TMEM232: variants seen among roughly 807,000 people sequenced by gnomAD.
TMEM232 encodes transmembrane protein 232.
TMEM232 carries 80 observed loss-of-function variants against 78.8 expected under a neutral mutation model. The ratio of observed to expected loss-of-function variants is 1.01; its 90% confidence interval spans 0.85 to 1.22. The LOEUF is 1.22. Among genes scored for constraint, TMEM232 ranks in the 50% most tolerant of loss-of-function variants. The pLI, the probability that TMEM232 is intolerant of heterozygous loss-of-function variation, is 0.00. For missense variants in TMEM232, 881 were observed against 742.2 expected (o/e 1.19, Z -2.17); for synonymous variants, 297 against 254.3 (o/e 1.17, Z -1.60).
At chr5:110,467,983 T>C (rs1335066825) in intron 12 of TMEM232, among the ~76,000 whole-genome samples, 1 of 152,044 alleles carries the variant, frequency 6.6e-6, no homozygotes, top group Non-Finnish European at 1.5e-5. Flanking sequence ...GTGTGCATAT[T>C]TGTGGCCAAT....
intron 12 of TMEM232, among the ~76,000 whole-genome samples, chr5:110,444,831 A>AT (rs1021621475): frequency 1.3e-5 from 2 of 152,030 alleles, no homozygotes; most frequent in East Asian, 3.9e-4. Flanking sequence ...TTTGCTTCTT[A>AT]TTTTTTCTGA....
chr5:110,650,370 C>T (rs945413442), intron 2 of TMEM232, among the ~76,000 whole-genome samples: 2 of 152,022 alleles, frequency 1.3e-5, no homozygotes, highest in South Asian at 2.1e-4. Flanking sequence ...AAATGAACTG[C>T]TTACAGTGAC....
chr5:110,648,658 G>C (rs1329807317), intron 2 of TMEM232, among the ~76,000 whole-genome samples: 1 of 151,848 alleles, frequency 6.6e-6, no homozygotes. Context: ...GTGTTACTGG[G>C]ACCACCGCTT....
chr5:110,624,430 G>A (rs1301101726), intron 7 of TMEM232, among the ~76,000 whole-genome samples: 3 of 152,072 alleles, frequency 2.0e-5, no homozygotes, highest in Non-Finnish European at 2.9e-5. Flanking sequence ...GAAGTTTGGC[G>A]AGATTGGTGG....
In TMEM232 at chr5:110,599,193, C is replaced by T. The variant is rs148296973; in HGVS notation, c.1276+5916G>A. ...AGGCACTAAATATGGAAAGGAAAGA[C>T]CAGTACCAGCCCCTGCAAAAACATG... On this transcript the variant is annotated intron_variant, in intron 10 of 13. Transcript: ENST00000455884. Among the ~76,000 whole-genome samples, 787 of 152,158 alleles carry T rather than the reference C, an allele frequency of 5.2e-3. 7 individuals are homozygous for T. Among genetic ancestry groups the T allele is most frequent in the African/African-American group, 0.018 (754 of 41,548 alleles).
chr5:110,495,629 G>A (rs1012351816), intron 12 of TMEM232, among the ~76,000 whole-genome samples: 5 of 151,868 alleles, frequency 3.3e-5, no homozygotes, highest in East Asian at 1.9e-4. Flanking sequence ...AAAACTAGAC[G>A]AGGTCAGAAC....
At chr5:110,665,054 T>C (rs560196151) in intron 2 of TMEM232, among the ~76,000 whole-genome samples, 3 of 152,182 alleles carry the variant, frequency 2.0e-5, no homozygotes, top group African/African-American at 4.8e-5. Flanking sequence ...CTTCAACATA[T>C]GAATTTTGCA....
chr5:110,694,755 T>C (rs1055275088), intron 1 of TMEM232, among the ~76,000 whole-genome samples: 1 of 151,946 alleles, frequency 6.6e-6, no homozygotes, highest in African/African-American at 2.4e-5. Flanking sequence ...GAACTAACTA[T>C]CCTAAATATA....
At chr5:110,663,183 G>C (rs976674962) in intron 2 of TMEM232, among the ~76,000 whole-genome samples, 4 of 151,876 alleles carry the variant, frequency 2.6e-5, no homozygotes, top group African/African-American at 9.7e-5. Context: ...TTAATAAAAT[G>C]CAACAGTGAA....
chr5:110,488,357 TA>T (rs1409523916), intron 12 of TMEM232, among the ~76,000 whole-genome samples: 1 of 152,018 alleles, frequency 6.6e-6, no homozygotes, highest in African/African-American at 2.4e-5. Flanking sequence ...ACAATACATT[TA>T]AAAGGATTAA....
At chr5:110,472,861 G>A (rs1046365532) in intron 12 of TMEM232, among the ~76,000 whole-genome samples, 1 of 151,848 alleles carries the variant, frequency 6.6e-6, no homozygotes, top group East Asian at 1.9e-4. Context: ...TTGGAAAATT[G>A]AATGTCTACA....
intron 12 of TMEM232, among the ~76,000 whole-genome samples, chr5:110,473,921 C>T (rs1466623832): frequency 2.9e-5 from 3 of 102,322 alleles, no homozygotes; most frequent in South Asian, 7.0e-4. Context: ...AAAAAAAACC[C>T]GCAAAATAAC....
chr5:110,561,486 A>T (rs2149659140), intron 11 of TMEM232, among the ~76,000 whole-genome samples: 1 of 151,498 alleles, frequency 6.6e-6, no homozygotes, highest in Non-Finnish European at 1.5e-5. Flanking sequence ...GACATACAGT[A>T]AATATCAAAT....
chr5:110,597,543 C>T (rs1197427822), intron 10 of TMEM232, among the ~76,000 whole-genome samples: 1 of 151,708 alleles, frequency 6.6e-6, no homozygotes, highest in Admixed American at 6.6e-5. Context: ...CAAAAAAGAG[C>T]CCGCATCGCC....
intron 12 of TMEM232, among the ~76,000 whole-genome samples, chr5:110,455,148 C>A: frequency 6.6e-6 from 1 of 151,998 alleles, no homozygotes; most frequent in East Asian, 1.9e-4. Flanking sequence ...TAAAGGAACT[C>A]AATTCATAGT....
intron 1 of TMEM232, among the ~76,000 whole-genome samples, chr5:110,668,263 G>C (rs369217669): frequency 6.6e-6 from 1 of 152,158 alleles, no homozygotes; most frequent in African/African-American, 2.4e-5. Context: ...TAGGGCTAAA[G>C]AGGAAGATAG....
intron 1 of TMEM232, among the ~76,000 whole-genome samples, chr5:110,692,365 C>G (rs977125370): frequency 2.6e-5 from 4 of 152,166 alleles, no homozygotes; most frequent in African/African-American, 9.7e-5. Context: ...CTACAGCTCC[C>G]AAAGTGAGCA....
Position 110,479,480 on chromosome 5 carries a change from A to G in TMEM232, c.1703+49108T>C, listed in dbSNP as rs1172720085. Among the ~76,000 whole-genome samples, 6 of 151,736 alleles carry G rather than the reference A, an allele frequency of 4.0e-5. No homozygotes were observed. The East Asian group carries it at 1.2e-3, about 29-fold the overall frequency. ...TAATACCTTCTCAAATACAACCTCT[A>G]TGCTGCCTTATAACACTAGAGATTA... is the stretch of plus-strand genomic sequence containing the variant. On this transcript the variant is annotated intron_variant, in intron 12 of 13. Transcript: ENST00000455884.
At chr5:110,452,638 A>G (rs1760443465) in intron 12 of TMEM232, among the ~76,000 whole-genome samples, 1 of 152,212 alleles carries the variant, frequency 6.6e-6, no homozygotes. Context: ...ACAGCCATAA[A>G]AATTTCAGTA....
Sources: allele counts gnomAD v4.1 joint callset (sites outside exome capture counted in the v4.1 genomes callset), GRCh38; gene constraint gnomAD v4.1.1; transcripts MANE v1.5; gene names NCBI Gene and HGNC (gene_info 2026-07-23, HGNC 2026-07-21).